BEND4: variants seen among roughly 807,000 people sequenced by gnomAD.
BEND4 encodes BEN domain-containing protein 4.
BEND4 carries 27 observed loss-of-function variants against 54.7 expected under a neutral mutation model. The observed-to-expected ratio is 0.49, with a 90% CI of 0.36 to 0.68. BEND4 has a LOEUF of 0.68. Ranked by LOEUF, BEND4 falls within the 30% of genes least tolerant of loss-of-function variation. The pLI is 0.00. For missense variants in BEND4, 702 were observed against 697.2 expected (o/e 1.01, Z -0.08); for synonymous variants, 327 against 299.5 (o/e 1.09, Z -0.95).
rs187888832 is a variant in BEND4, at chr4:42,148,011, T to C, written c.487+3646A>G. Among the ~76,000 whole-genome samples the C allele has an allele frequency of 4.5e-3, 691 of 152,298 alleles. 4 individuals carry two copies. The highest frequency in any genetic ancestry group is 0.016 in the African/African-American group (660 of 41,564). The stretch of plus-strand genomic sequence containing the variant: ...CTTTTGATTTTAGCCCAGCGAAGGG[T>C]GAAATATATTAATATTAAAAATGCA... On this transcript the variant is annotated intron_variant, in intron 2 of 5. Coordinates refer to ENST00000502486, the MANE Select transcript of BEND4 (RefSeq NM_207406.4).
chr4:42,132,440 A>ATTTTATTAT (rs1553922578), intron 3 of BEND4, among the ~76,000 whole-genome samples: 12 of 150,696 alleles, frequency 8.0e-5, no homozygotes, highest in Admixed American at 7.2e-4. Flanking sequence ...TTTTTATTTT[A>ATTTTATTAT]TTATTTATTT....
intron 3 of BEND4, among the ~76,000 whole-genome samples, chr4:42,133,224 T>TA (rs1720569066): frequency 6.6e-6 from 1 of 152,182 alleles, no homozygotes; most frequent in African/African-American, 2.4e-5. Flanking sequence ...CTGTACTGTC[T>TA]AAGCAGCAAT....
intron 3 of BEND4, among the ~76,000 whole-genome samples, chr4:42,139,708 G>A (rs995647527): frequency 2.0e-5 from 3 of 151,996 alleles, no homozygotes; most frequent in Non-Finnish European, 4.4e-5. Context: ...CTTATTTTCT[G>A]TGCTAACTGC....
At chr4:42,147,463 G>A (rs554195724) in intron 2 of BEND4, among the ~76,000 whole-genome samples, 7 of 149,316 alleles carry the variant, frequency 4.7e-5, no homozygotes, top group South Asian at 2.1e-4. Flanking sequence ...CTGTGAACAC[G>A]TATTATGATT....
intron 4 of BEND4, among the ~76,000 whole-genome samples, chr4:42,122,177 C>T (rs2077810862): frequency 1.3e-5 from 2 of 152,328 alleles, no homozygotes; most frequent in Non-Finnish European, 2.9e-5. Context: ...AAGCACTTTG[C>T]ACACTTCCCT....
At chr4:42,142,470 T>A (rs1189745796) in intron 3 of BEND4, among the ~76,000 whole-genome samples, 2 of 145,178 alleles carry the variant, frequency 1.4e-5, no homozygotes, top group African/African-American at 5.2e-5. Context: ...AAAAAATATA[T>A]ATATATATAT....
intron 3 of BEND4, among the ~76,000 whole-genome samples, chr4:42,126,841 T>C (rs1720306384): frequency 6.6e-6 from 1 of 152,144 alleles, no homozygotes; most frequent in Non-Finnish European, 1.5e-5. Context: ...CGAGACCCTG[T>C]TCTCCAGAAA....
intron 2 of BEND4, among the ~76,000 whole-genome samples, chr4:42,144,464 T>C (rs950716800): frequency 2.0e-5 from 3 of 152,216 alleles, no homozygotes; most frequent in African/African-American, 7.2e-5. Context: ...AGAGAGTACA[T>C]AGCTCCCAGA....
rs1400186383 is a variant in BEND4 at position 42,113,132 on chromosome 4, T to C, written c.*4386A>G. 1.3e-5 allele frequency: 2 copies of C among 152,224 alleles called. No homozygotes were observed. The highest frequency in any genetic ancestry group is 4.8e-5 in the African/African-American group (2 of 41,462). 9.4% of individuals were successfully genotyped at this position (152,224 alleles called of 1,614,324 possible). ...CTGGCACGTGTTGCCACATTAAACA[T>C]ACACCAGCAAGACTTGCACCATATG... On this transcript the variant is annotated 3_prime_UTR_variant, in exon 6 of 6. Coordinates refer to ENST00000502486, the MANE Select transcript of BEND4 (RefSeq NM_207406.4).
intron 5 of BEND4, 21 bp from the exon 6 acceptor site, chr4:42,117,756 T>A: frequency 6.6e-7 from 1 of 1,505,426 alleles, no homozygotes; most frequent in Non-Finnish European, 9.0e-7. Flanking sequence ...ATATACAACA[T>A]CAAAAAGAGA....
At chr4:42,141,642 G>A (rs1720884800) in intron 3 of BEND4, among the ~76,000 whole-genome samples, 1 of 152,198 alleles carries the variant, frequency 6.6e-6, no homozygotes, top group South Asian at 2.1e-4. Context: ...TCAGGAGGCT[G>A]AGGCAGGAGA....
Position 42,117,166 on chromosome 4 carries a change from C to T in BEND4, c.*352G>A, listed in dbSNP as rs751032519. 8 of 180,812 alleles carry T rather than the reference C, an allele frequency of 4.4e-5. No individual in the cohort carries two copies. The highest frequency in any genetic ancestry group is 6.8e-5 in the Non-Finnish European group (6 of 87,834). 11.2% of individuals were successfully genotyped at this position (180,812 alleles called of 1,614,324 possible). ...CTCCACCTTCTCCCATGGGCAGAAACACTACCCCAGCCTACCTTGGGGACT... is the reference window on the plus strand; with the variant it reads ...CTCCACCTTCTCCCATGGGCAGAAATACTACCCCAGCCTACCTTGGGGACT... On this transcript the variant is annotated 3_prime_UTR_variant, in exon 6 of 6. Coordinates refer to ENST00000502486, the MANE Select transcript of BEND4 (RefSeq NM_207406.4).
At chr4:42,150,484 T>C (rs752049075) in intron 2 of BEND4, among the ~76,000 whole-genome samples, 11 of 152,254 alleles carry the variant, frequency 7.2e-5, no homozygotes, top group Non-Finnish European at 1.6e-4. Flanking sequence ...GAATTATTAC[T>C]GGAGGCATCT....
At chr4:42,141,756 A>T (rs1224370750) in intron 3 of BEND4, among the ~76,000 whole-genome samples, 1 of 152,172 alleles carries the variant, frequency 6.6e-6, no homozygotes. Context: ...AAACAAACAA[A>T]AAAAAGGATA....
chr4:42,123,155 G>A (rs1720126845), intron 4 of BEND4, among the ~76,000 whole-genome samples: 1 of 152,116 alleles, frequency 6.6e-6, no homozygotes, highest in Non-Finnish European at 1.5e-5. Flanking sequence ...ATGCTCTCTG[G>A]GTTATGGATG....
At chr4:42,129,900 CAGAT>C (rs1463504620) in intron 3 of BEND4, among the ~76,000 whole-genome samples, 1 of 152,104 alleles carries the variant, frequency 6.6e-6, no homozygotes, top group Non-Finnish European at 1.5e-5. Flanking sequence ...CAAAAATTGA[CAGAT>C]AGGATCCAAG....
chr4:42,144,816 A>T (rs1235785478), intron 2 of BEND4, among the ~76,000 whole-genome samples: 1 of 152,230 alleles, frequency 6.6e-6, no homozygotes, highest in Admixed American at 6.5e-5. Context: ...AAAAGCAAAC[A>T]AAAGCAATCA....
At chr4:42,150,569 G>A (rs1721231455) in intron 2 of BEND4, among the ~76,000 whole-genome samples, 1 of 152,220 alleles carries the variant, frequency 6.6e-6, no homozygotes, top group African/African-American at 2.4e-5. Flanking sequence ...TGACATGCAG[G>A]ATTTGGGGGG....
At chr4:42,144,338 C>T (rs557352933) in intron 2 of BEND4, among the ~76,000 whole-genome samples, 2 of 152,246 alleles carry the variant, frequency 1.3e-5, no homozygotes, top group South Asian at 4.1e-4. Context: ...TCTAAGGAAT[C>T]GAGCCAGCCA....
Sources: gnomAD v4.1 joint callset for allele counts (sites outside exome capture counted in the v4.1 genomes callset) on GRCh38, gnomAD v4.1.1 for gene constraint, MANE v1.5 for transcripts, NCBI Gene and HGNC (gene_info 2026-07-23, HGNC 2026-07-21) for gene names.